Variants in SETD5 observed in about 807,000 individuals in gnomAD.
SETD5 encodes histone-lysine N-methyltransferase SETD5.
Under a neutral mutation model 153.3 loss-of-function variants are expected in SETD5, and 44 were observed. The ratio of observed to expected loss-of-function variants is 0.29; its 90% CI spans 0.23 to 0.37. The LOEUF is 0.37. Among genes scored for constraint, SETD5 ranks in the 10% least tolerant of loss-of-function variants. The pLI, the probability that SETD5 is intolerant of heterozygous loss-of-function variation, is 1.00. For synonymous variants in SETD5, 716 were observed against 645.2 expected, an observed-to-expected ratio of 1.11 and a Z score of -1.66; for missense variants, 1,544 against 1,768.0, an observed-to-expected ratio of 0.87 and a Z score of 2.27.
intron 19 of SETD5, 139 bp from the exon 20 acceptor site, chr3:9,473,097 G>T: frequency 9.9e-7 from 1 of 1,005,246 alleles, no homozygotes; most frequent in Non-Finnish European, 1.4e-6. Context: ...AGTTATCAGG[G>T]TTGGTGTCTG....
intron 17 of SETD5, 121 bp from the exon 18 acceptor site, chr3:9,464,304 C>A: frequency 7.2e-7 from 1 of 1,387,482 alleles, no homozygotes; most frequent in Non-Finnish European, 9.8e-7. Flanking sequence ...GAGGAGATAA[C>A]TTAATGGGAT....
At chr3:9,435,398 A>G (rs1408363204) in intron 6 of SETD5, among the ~76,000 whole-genome samples, 1 of 152,232 alleles carries the variant, frequency 6.6e-6, no homozygotes, top group Admixed American at 6.5e-5. Flanking sequence ...GTCCTGTAGC[A>G]AAGTATTCCT....
chr3:9,402,686 CTTAGCCATG>C (rs2034996445), intron 1 of SETD5, among the ~76,000 whole-genome samples: 1 of 152,144 alleles, frequency 6.6e-6, no homozygotes, highest in African/African-American at 2.4e-5. Context: ...GAAGCATTGC[CTTAGCCATG>C]TTAGTTACAT....
chr3:9,473,329 G>A lies in SETD5; in HGVS notation c.3289G>A (p.Ala1097Thr). The change falls in exon 20 of 23, where the codon GCA (alanine) becomes ACA (threonine). Residue 1097 changes from alanine (A) to threonine (T), a missense_variant. Physicochemically the swap from Ala to Thr is moderately conservative, Grantham distance 58 (BLOSUM62 0). Coordinates refer to ENST00000402198, the MANE Select transcript of SETD5 (RefSeq NM_001080517.3). ...GDSAQSKSKS[A>T]GAGQGSSNSV... ...CTCTGCACAGAGCAAAAGCAAGTCT[G>A]CAGGAGCTGGGCAAGGCAGCAGTAA... is the stretch of plus-strand genomic sequence containing the variant. 2 of 1,614,002 alleles carry A rather than the reference G, an allele frequency of 1.2e-6. No homozygotes were observed. Among genetic ancestry groups the A allele is most frequent in the Non-Finnish European group, 1.7e-6 (2 of 1,179,900 alleles).
At chr3:9,456,454 C>T (rs1024814286) in intron 17 of SETD5, among the ~76,000 whole-genome samples, 1 of 140,112 alleles carries the variant, frequency 7.1e-6, no homozygotes, top group Non-Finnish European at 1.5e-5. Context: ...GCCTGGGTGA[C>T]GGAGGGAGAT....
chr3:9,454,547 G>T (rs1352082773), intron 17 of SETD5, among the ~76,000 whole-genome samples: 1 of 146,800 alleles, frequency 6.8e-6, no homozygotes, highest in African/African-American at 2.5e-5. Flanking sequence ...ACTTGAACCC[G>T]GGAGGTGGAG....
chr3:9,474,403 TTGGTTAAGTCCTG>T, intron 20 of SETD5, 33 bp from the exon 21 acceptor site: 1 of 1,599,022 alleles, frequency 6.3e-7, no homozygotes, highest in Non-Finnish European at 8.5e-7. Flanking sequence ...TTCATTTGTT[TTGGTTAAGTCCTG>T]TGGCTTGAAC....
At chr3:9,423,609 C>G (rs900902208) in intron 1 of SETD5, among the ~76,000 whole-genome samples, 1 of 151,736 alleles carries the variant, frequency 6.6e-6, no homozygotes, top group African/African-American at 2.4e-5. Context: ...ACTTTTATTT[C>G]TCTAATTCTG....
chr3:9,401,061 G>C (rs1487216931), intron 1 of SETD5, among the ~76,000 whole-genome samples: 1 of 152,192 alleles, frequency 6.6e-6, no homozygotes, highest in Non-Finnish European at 1.5e-5. Flanking sequence ...ATAATTTGTA[G>C]TATCACTCTG....
chr3:9,431,511 T>C, intron 3 of SETD5: 1 of 971,700 alleles, frequency 1.0e-6, no homozygotes, highest in Non-Finnish European at 1.2e-6. Flanking sequence ...ATCTTGTAGT[T>C]ACCTGTAAGT....
At chr3:9,442,353 G>A (rs751402207) in intron 10 of SETD5, 108 bp downstream of exon 10, 15 of 775,982 alleles carry the variant, frequency 1.9e-5, no homozygotes, top group East Asian at 1.3e-4. Context: ...GATAATAGTC[G>A]TGATATTTCA....
intron 10 of SETD5, among the ~76,000 whole-genome samples, chr3:9,442,450 T>C (rs953027450): frequency 6.6e-6 from 1 of 152,002 alleles, no homozygotes; most frequent in Non-Finnish European, 1.5e-5. Flanking sequence ...AAGGCAGAAA[T>C]AGAAAAGAGC....
chr3:9,447,967 T>C lies in SETD5; in HGVS notation c.2064T>C (p.His688=), dbSNP rs768640999. The change falls in exon 15 of 23, where the codon CAT becomes CAC. Residue 688 remains histidine (H), a synonymous_variant. Coordinates refer to ENST00000402198, the MANE Select transcript of SETD5 (RefSeq NM_001080517.3). ...DPTVVSITGS[H]VNRAASKYPK... Reference sequence around the variant, plus strand: ...CTGTGGTGTCAATTACTGGATCCCATGTCAACCGTGCTGCATCTAAATACC... The same window carrying C: ...CTGTGGTGTCAATTACTGGATCCCACGTCAACCGTGCTGCATCTAAATACC... The C allele has an allele frequency of 1.2e-6, 2 of 1,613,706 alleles. No homozygotes were observed. The highest frequency in any genetic ancestry group is 2.7e-5 in the African/African-American group (2 of 74,920).
chr3:9,414,153 G>A (rs1160808083), intron 1 of SETD5, among the ~76,000 whole-genome samples: 2 of 152,162 alleles, frequency 1.3e-5, no homozygotes, highest in Admixed American at 1.3e-4. Context: ...TAATAGCTAA[G>A]TATTAAGTCT....
At chr3:9,458,722 C>T (rs1027833727) in intron 17 of SETD5, among the ~76,000 whole-genome samples, 14 of 152,206 alleles carry the variant, frequency 9.2e-5, no homozygotes, top group Non-Finnish European at 1.8e-4. Flanking sequence ...GTAAAACTGC[C>T]GGGGAGTAAT....
At chr3:9,464,769 ATCTT>A (rs1260019893) in intron 18 of SETD5, 97 bp downstream of exon 18, 2 of 1,575,578 alleles carry the variant, frequency 1.3e-6, no homozygotes, top group Non-Finnish European at 1.7e-6. Context: ...TTTCTTTACT[ATCTT>A]TCTTCCCCAT....
chr3:9,465,884 A>G (rs890744417), intron 18 of SETD5, among the ~76,000 whole-genome samples: 3 of 152,166 alleles, frequency 2.0e-5, no homozygotes, highest in African/African-American at 7.2e-5. Flanking sequence ...TTGCACCTAG[A>G]GCTTTATAGT....
rs146711037 is a variant in SETD5 at position 9,476,189 on chromosome 3, G to A, written c.*98G>A. 2.2e-5 allele frequency: 32 copies of A among 1,457,474 alleles called. No homozygotes were observed. Among genetic ancestry groups the A allele is most frequent in the Middle Eastern group, 1.8e-4 (1 of 5,476 alleles). 90.3% of individuals were successfully genotyped at this position (1,457,474 alleles called of 1,614,324 possible). ...GCCGAGCATATTGCTGAGGAACGGG[G>A]GGTACAAGGTGCCAGAGGATTGGGT... On this transcript the variant is annotated 3_prime_UTR_variant, in exon 23 of 23. Coordinates refer to ENST00000402198, the MANE Select transcript of SETD5 (RefSeq NM_001080517.3).
At chr3:9,429,037 A>C (rs987990207) in intron 3 of SETD5, 28 bp downstream of exon 3, 2 of 1,545,854 alleles carry the variant, frequency 1.3e-6, no homozygotes, top group Admixed American at 1.7e-5. Flanking sequence ...GGTAGTAGGT[A>C]CATTATCAGT....
Sources: allele counts gnomAD v4.1 joint callset (sites outside exome capture counted in the v4.1 genomes callset), GRCh38; gene constraint gnomAD v4.1.1; transcripts MANE v1.5; gene names NCBI Gene and HGNC (gene_info 2026-07-23, HGNC 2026-07-21).